PSEN1: variants seen among roughly 807,000 people sequenced by gnomAD.
PSEN1 encodes presenilin-1.
Under a neutral mutation model 53.5 loss-of-function variants are expected in PSEN1, and 15 were observed. The observed-to-expected ratio is 0.28, with a 90% CI of 0.19 to 0.43. The LOEUF is 0.43. Among genes scored for constraint, PSEN1 ranks in the 20% least tolerant of loss-of-function variants. PSEN1 has a pLI of 1.00. For missense variants in PSEN1, 387 were observed against 571.2 expected (o/e 0.68, Z 3.29); for synonymous variants, 208 against 209.8 (o/e 0.99, Z 0.08).
At chr14:73,151,439 T>C (rs1395497507) in intron 3 of PSEN1, among the ~76,000 whole-genome samples, 6 of 152,188 alleles carry the variant, frequency 3.9e-5, no homozygotes, top group Admixed American at 2.0e-4. Flanking sequence ...AGGCCAGGCA[T>C]GGTGGTTCAC....
At chr14:73,137,285 GA>G (rs1566611473) in intron 1 of PSEN1, 1 of 152,418 alleles carries the variant, frequency 6.6e-6, no homozygotes, top group East Asian at 1.9e-4. Flanking sequence ...ACACTAACGG[GA>G]CATGGGAACC....
chr14:73,204,114 TC>T (rs1288853309), intron 8 of PSEN1, among the ~76,000 whole-genome samples: 3 of 152,196 alleles, frequency 2.0e-5, no homozygotes, highest in Non-Finnish European at 4.4e-5. Context: ...TTCTCCTGCC[TC>T]AGCCTCCCGA....
intron 9 of PSEN1, among the ~76,000 whole-genome samples, chr14:73,209,862 T>C (rs1017346174): frequency 2.6e-5 from 4 of 152,188 alleles, no homozygotes; most frequent in African/African-American, 7.2e-5. Flanking sequence ...TCAGTGAGAA[T>C]GCTGCTGGTA....
chr14:73,183,839 G>C (rs1486734510), intron 5 of PSEN1, among the ~76,000 whole-genome samples: 29 of 151,062 alleles, frequency 1.9e-4, no homozygotes, highest in Non-Finnish European at 3.2e-4. Context: ...GGTGGTGGCC[G>C]GGCAGAGGGG....
intron 1 of PSEN1, among the ~76,000 whole-genome samples, chr14:73,145,740 C>G (rs1897051560): frequency 6.6e-6 from 1 of 152,170 alleles, no homozygotes; most frequent in Non-Finnish European, 1.5e-5. Context: ...CATACTAAAG[C>G]TGAACAGTTC....
Position 73,206,463 on chromosome 14 carries a change from A to G in PSEN1, c.946A>G (p.Asn316Asp). Residue 316 changes from asparagine (N) to aspartate (D), a missense_variant, in exon 9 of 12, where the codon AAT (asparagine) becomes GAT (aspartate). Coordinates refer to ENST00000324501, the MANE Select transcript of PSEN1 (RefSeq NM_000021.4). ...QRRVSKNSKY[N>D]AESTERESQD... ...GAGAGTATCCAAAAATTCCAAGTAT[A>G]ATGCAGAAAGTAGGTAACTTTTATT... 1.9e-6 allele frequency: 3 copies of G among 1,612,518 alleles called. No homozygotes were observed. The highest frequency in any genetic ancestry group is 2.2e-5 in the South Asian group (2 of 91,050).
chr14:73,152,107 T>G (rs1437235366), intron 3 of PSEN1, among the ~76,000 whole-genome samples: 15 of 145,696 alleles, frequency 1.0e-4, no homozygotes, highest in Non-Finnish European at 1.5e-4. Context: ...GAGGCGGGGT[T>G]TCACCGTGTT....
chr14:73,141,184 A>G (rs1896914766), intron 1 of PSEN1, among the ~76,000 whole-genome samples: 1 of 152,196 alleles, frequency 6.6e-6, no homozygotes, highest in African/African-American at 2.4e-5. Flanking sequence ...CAAACTACAG[A>G]GCCAAGCCTA....
intron 6 of PSEN1, among the ~76,000 whole-genome samples, chr14:73,191,065 C>CT (rs1298152649): frequency 6.6e-6 from 1 of 152,136 alleles, no homozygotes; most frequent in Non-Finnish European, 1.5e-5. Context: ...GTTGCAATCT[C>CT]TTTGTTGTTA....
At chr14:73,210,541 A>G (rs1899635149) in intron 9 of PSEN1, among the ~76,000 whole-genome samples, 2 of 152,182 alleles carry the variant, frequency 1.3e-5, no homozygotes, top group Admixed American at 1.3e-4. Flanking sequence ...AAATACCAAA[A>G]GGGATGGCTA....
intron 1 of PSEN1, chr14:73,137,190 G>T (rs1272389470): frequency 6.6e-6 from 1 of 152,366 alleles, no homozygotes; most frequent in African/African-American, 2.4e-5. Context: ...GCTGGGATGG[G>T]TGAGAGAATT....
intron 5 of PSEN1, among the ~76,000 whole-genome samples, chr14:73,184,378 G>C (rs1898376223): frequency 7.6e-6 from 1 of 131,222 alleles, no homozygotes; most frequent in East Asian, 2.8e-4. Context: ...GGGGCGGCTG[G>C]CCGGGCGGGG....
intron 10 of PSEN1, among the ~76,000 whole-genome samples, chr14:73,215,827 G>T (rs1239397660): frequency 6.6e-6 from 1 of 152,128 alleles, no homozygotes; most frequent in Non-Finnish European, 1.5e-5. Flanking sequence ...GAAAAAACTG[G>T]AACTCTCAAT....
chr14:73,187,312 A>G (rs1171879705), intron 6 of PSEN1, among the ~76,000 whole-genome samples: 2 of 152,196 alleles, frequency 1.3e-5, no homozygotes, highest in African/African-American at 4.8e-5. Context: ...ATGAAATCTT[A>G]TATGAAATTT....
intron 4 of PSEN1, among the ~76,000 whole-genome samples, chr14:73,171,606 G>C (rs1013041275): frequency 6.6e-6 from 1 of 152,216 alleles, no homozygotes; most frequent in African/African-American, 2.4e-5. Flanking sequence ...CTGCTGCTGT[G>C]TTCTTCCCCT....
At chr14:73,166,183 G>A (rs117170264) in intron 3 of PSEN1, among the ~76,000 whole-genome samples, 5,046 of 152,210 alleles carry the variant, frequency 0.033, 123 homozygotes, top group Middle Eastern at 0.078. Context: ...ATCAGCCTTG[G>A]GCAGGGCAGG....
chr14:73,167,578 A>G (rs2140027859), intron 3 of PSEN1, among the ~76,000 whole-genome samples: 1 of 152,282 alleles, frequency 6.6e-6, no homozygotes, highest in East Asian at 1.9e-4. Flanking sequence ...GGTTTCCAGT[A>G]CATGAATTTT....
chr14:73,152,476 A>G, intron 3 of PSEN1, among the ~76,000 whole-genome samples: 1 of 150,636 alleles, frequency 6.6e-6, no homozygotes, highest in East Asian at 2.0e-4. Context: ...GTGTGGTGGC[A>G]TGTACCTGTA....
At chr14:73,164,953 G>T (rs1415650879) in intron 3 of PSEN1, among the ~76,000 whole-genome samples, 1 of 152,030 alleles carries the variant, frequency 6.6e-6, no homozygotes, top group Non-Finnish European at 1.5e-5. Context: ...TCACAAAATT[G>T]TACTTTTTTT....
Sources: allele counts gnomAD v4.1 joint callset (sites outside exome capture counted in the v4.1 genomes callset), GRCh38; gene constraint gnomAD v4.1.1; transcripts MANE v1.5; gene names NCBI Gene and HGNC (gene_info 2026-07-23, HGNC 2026-07-21).